Variants in SFMBT1 observed in about 807,000 individuals in gnomAD.
SFMBT1 encodes Scm like with four mbt domains 1, also known as scm-like with four MBT domains protein 1.
Under a neutral mutation model 108.7 loss-of-function variants are expected in SFMBT1, and 32 were observed. The ratio of observed to expected loss-of-function variants is 0.29; its 90% CI spans 0.22 to 0.40. The LOEUF is 0.40. SFMBT1 is among the 10% of genes least tolerant of loss of function. The pLI is 1.00. For synonymous variants in SFMBT1, 348 were observed against 369.5 expected (o/e 0.94, Z 0.67); for missense variants, 816 against 1,059.6 (o/e 0.77, Z 3.19).
chr3:52,954,789 A>T (rs983543414), intron 2 of SFMBT1, among the ~76,000 whole-genome samples: 2 of 152,136 alleles, frequency 1.3e-5, no homozygotes, highest in African/African-American at 2.4e-5. Context: ...TTCAAACTTA[A>T]ATTTTCAACT....
At chr3:53,043,082 G>A (rs1700107482) in intron 1 of SFMBT1, 1 of 152,186 alleles carries the variant, frequency 6.6e-6, no homozygotes, top group African/African-American at 2.4e-5. Flanking sequence ...AGATATCTTT[G>A]CAGTAAAAAA....
intron 1 of SFMBT1, among the ~76,000 whole-genome samples, chr3:52,984,334 C>T (rs1704828122): frequency 6.6e-6 from 1 of 151,910 alleles, no homozygotes; most frequent in South Asian, 2.1e-4. Flanking sequence ...AGCTTTTTTT[C>T]ACCCACGATG....
At chr3:53,036,330 T>C (rs1182187133) in intron 1 of SFMBT1, among the ~76,000 whole-genome samples, 1 of 152,204 alleles carries the variant, frequency 6.6e-6, no homozygotes, top group African/African-American at 2.4e-5. Flanking sequence ...TCGGGCTTCC[T>C]AGAAAGATTT....
chr3:53,004,484 G>A (rs1043894339), intron 1 of SFMBT1, among the ~76,000 whole-genome samples: 1 of 149,808 alleles, frequency 6.7e-6, no homozygotes, highest in African/African-American at 2.4e-5. Context: ...TGTTGGCCAG[G>A]ATGGTCTTGA....
rs141913970 is a variant in SFMBT1 at position 53,000,744 on chromosome 3, CA to C, written c.-130-31487del. On this transcript the variant is annotated intron_variant, in intron 1 of 20. Coordinates refer to ENST00000394752, the MANE Select transcript of SFMBT1 (RefSeq NM_016329.4). ...TGGAAGAAATTTACAAAAACTAAAA[CA>C]TGCCTAATGCATGTCCTTTGACCCA... is the stretch of plus-strand genomic sequence containing the variant. Among the ~76,000 whole-genome samples the C allele has an allele frequency of 7.5e-3, 1,133 of 150,180 alleles. 36 individuals carry two copies. The highest frequency in any genetic ancestry group is 0.026 in the African/African-American group (1,082 of 41,364).
rs970354727 is a variant in SFMBT1, at chr3:52,907,565, C to T, written c.2075G>A (p.Gly692Asp). ...TCACAGATCTCATACCTGGGGAGAG[C>T]CCGCTGGGGTATTATCAACAGATGC... ...SSASVDNTPA[G>D]SPQGSGGEDE... Residue 692 changes from glycine to aspartate, a missense_variant, in exon 18 of 21, where the codon GGC (glycine) becomes GAC (aspartate). Coordinates refer to ENST00000394752, the MANE Select transcript of SFMBT1 (RefSeq NM_016329.4). The T allele has an allele frequency of 6.2e-7, 1 of 1,612,664 alleles. No homozygotes were observed. Among genetic ancestry groups the T allele is most frequent in the Admixed American group, 1.7e-5 (1 of 59,786 alleles).
chr3:52,921,027 G>C (rs980084430), intron 11 of SFMBT1, among the ~76,000 whole-genome samples: 1 of 152,180 alleles, frequency 6.6e-6, no homozygotes, highest in Non-Finnish European at 1.5e-5. Context: ...ATCAGTTCTG[G>C]TACTTCAGGA....
chr3:53,036,961 G>A (rs1699887990), intron 1 of SFMBT1, among the ~76,000 whole-genome samples: 1 of 152,198 alleles, frequency 6.6e-6, no homozygotes, highest in African/African-American at 2.4e-5. Flanking sequence ...GGGACTCTGG[G>A]AGAAAATGAA....
At chr3:52,935,439 C>T (rs1342632311) in intron 4 of SFMBT1, among the ~76,000 whole-genome samples, 1 of 152,178 alleles carries the variant, frequency 6.6e-6, no homozygotes, top group Non-Finnish European at 1.5e-5. Context: ...GCAGCTTTGA[C>T]AGAGATTGTA....
At chr3:52,925,183 T>C (rs1702624662) in intron 10 of SFMBT1, among the ~76,000 whole-genome samples, 1 of 152,186 alleles carries the variant, frequency 6.6e-6, no homozygotes, top group African/African-American at 2.4e-5. Context: ...ATCGTGCCAC[T>C]GCACTCCAGC....
rs766316689 is a variant in SFMBT1 at position 52,932,022 on chromosome 3, T to C, written c.700+40A>G. ...CCTCATAGATATTAATAACATAGCA[T>C]GTTAATGTCACAGAAGAAAAATGTC... On this transcript the variant is annotated intron_variant, in intron 6 of 20. Transcript: ENST00000394752. 4 of 1,595,126 alleles carry C rather than the reference T, an allele frequency of 2.5e-6. No individual in the cohort carries two copies. In the Admixed American group the frequency reaches 5.2e-5, roughly 21 times the overall value.
At chr3:52,965,249 G>A (rs1704093639) in intron 2 of SFMBT1, among the ~76,000 whole-genome samples, 1 of 150,692 alleles carries the variant, frequency 6.6e-6, no homozygotes, top group Admixed American at 6.6e-5. Flanking sequence ...GCAGAATGAA[G>A]CAGACAAGAA....
intron 1 of SFMBT1, among the ~76,000 whole-genome samples, chr3:53,021,700 A>G (rs1448927870): frequency 6.6e-6 from 1 of 152,196 alleles, no homozygotes; most frequent in African/African-American, 2.4e-5. Context: ...GCTCTGTGTC[A>G]CAGCCTTCCA....
intron 2 of SFMBT1, among the ~76,000 whole-genome samples, chr3:52,958,063 TGACAAAG>T (rs1298499002): frequency 6.6e-6 from 1 of 152,154 alleles, no homozygotes; most frequent in Non-Finnish European, 1.5e-5. Context: ...TCTCTCCATC[TGACAAAG>T]GTATAATACC....
chr3:52,970,200 A>G (rs1362139643), intron 1 of SFMBT1, among the ~76,000 whole-genome samples: 1 of 152,208 alleles, frequency 6.6e-6, no homozygotes, highest in African/African-American at 2.4e-5. Flanking sequence ...GTAAATGTAC[A>G]AAGTGTAACC....
At chr3:53,004,019 C>G (rs1698651079) in intron 1 of SFMBT1, among the ~76,000 whole-genome samples, 2 of 149,916 alleles carry the variant, frequency 1.3e-5, no homozygotes, top group South Asian at 2.1e-4. Context: ...AAACAATGGT[C>G]ACTGGAAATT....
At chr3:52,948,060 C>T (rs1043574382) in intron 3 of SFMBT1, among the ~76,000 whole-genome samples, 1 of 152,118 alleles carries the variant, frequency 6.6e-6, no homozygotes, top group African/African-American at 2.4e-5. Flanking sequence ...TTAAACAAAT[C>T]TTTTCCTATC....
chr3:52,961,518 A>G (rs1036327640), intron 2 of SFMBT1, among the ~76,000 whole-genome samples: 2 of 150,438 alleles, frequency 1.3e-5, no homozygotes, highest in South Asian at 2.1e-4. Context: ...GCCTGTGAAT[A>G]GCCACTGCAC....
intron 1 of SFMBT1, among the ~76,000 whole-genome samples, chr3:53,000,557 A>G (rs1698511686): frequency 1.3e-5 from 2 of 150,020 alleles, no homozygotes. Context: ...CTATATAAAT[A>G]CATATATATG....
Sources: gnomAD v4.1 joint callset for allele counts (sites outside exome capture counted in the v4.1 genomes callset) on GRCh38, gnomAD v4.1.1 for gene constraint, MANE v1.5 for transcripts, NCBI Gene and HGNC (gene_info 2026-07-23, HGNC 2026-07-21) for gene names.